DHX16: variants seen among roughly 807,000 people sequenced by gnomAD.
DHX16 encodes pre-mRNA-splicing factor ATP-dependent RNA helicase DHX16.
DHX16 carries 81 observed loss-of-function variants against 131.2 expected under a neutral mutation model. The ratio of observed to expected loss-of-function variants is 0.62; its 90% confidence interval spans 0.52 to 0.74. The LOEUF is 0.74. Ranked by LOEUF, DHX16 falls within the 30% of genes least tolerant of loss-of-function variation. The probability of loss-of-function intolerance (pLI) is 0.00; values close to 1 mark genes in which losing one functional copy is unlikely to be tolerated. For missense variants in DHX16, 980 were observed against 1,363.1 expected, an observed-to-expected ratio of 0.72 and a Z score of 4.43; for synonymous variants, 440 against 520.2, an observed-to-expected ratio of 0.85 and a Z score of 2.10.
chr6:30,659,950 T>C, intron 10 of DHX16, 82 bp downstream of exon 10: 1 of 1,557,248 alleles, frequency 6.4e-7, no homozygotes, highest in Admixed American at 1.7e-5. Context: ...TTCCATTCCA[T>C]CTTTCCCTCC....
Position 30,671,263 on chromosome 6 carries a change from C to G in DHX16, c.219G>C (p.Lys73Asn). The change falls in exon 2 of 20, where the codon AAG becomes AAC. Residue 73 changes from lysine (K) to asparagine (N), a missense_variant. Coordinates refer to ENST00000376442, the MANE Select transcript of DHX16 (RefSeq NM_003587.5). ...ALRLWNKVPRKAVVEKPARAA... is the reference protein window; with the variant it reads ...ALRLWNKVPRNAVVEKPARAA... ...CCCGAGCTGGCTTTTCTACCACTGC[C>G]TTTCGTGGTACCTGTCAGTAGAGGG... 1 of 1,613,012 alleles carries G rather than the reference C, an allele frequency of 6.2e-7. No individual in the cohort carries two copies. Among genetic ancestry groups the G allele is most frequent in the Non-Finnish European group, 8.5e-7 (1 of 1,179,996 alleles).
rs981312129 is a variant in DHX16, at chr6:30,665,622, C to T, written c.778G>A (p.Val260Met). ...LADEEFLFGDVELSRHERQEL... is the reference protein window; with the variant it reads ...LADEEFLFGDMELSRHERQEL... ...TGCCGCTCGTGCCGGCTCAGCTCCACGTCCCCAAAAAGGAACTCCTCATCA... is the reference window on the plus strand; with the variant it reads ...TGCCGCTCGTGCCGGCTCAGCTCCATGTCCCCAAAAAGGAACTCCTCATCA... The change falls in exon 5 of 20, where the codon GTG becomes ATG. Residue 260 changes from valine (V) to methionine (M), a missense_variant. Physicochemically the swap from Val to Met is conservative, Grantham distance 21. Coordinates refer to ENST00000376442, the MANE Select transcript of DHX16 (RefSeq NM_003587.5). The surrounding 1 kb of genome is among the most constrained non-coding windows in gnomAD (Gnocchi z 4.8). 4 of 1,612,918 alleles carry T rather than the reference C, an allele frequency of 2.5e-6. No individual in the cohort carries two copies. The highest frequency in any genetic ancestry group is 1.7e-5 in the Admixed American group (1 of 60,026).
chr6:30,670,546 G>A lies in DHX16; in HGVS notation c.610-80C>T, dbSNP rs1270374837. The A allele has an allele frequency of 4.8e-6, 7 of 1,469,658 alleles. No individual in the cohort carries two copies. The highest frequency in any genetic ancestry group is 4.7e-5 in the East Asian group (2 of 42,556). 91.0% of individuals were successfully genotyped at this position (1,469,658 alleles called of 1,614,324 possible). On this transcript the variant is annotated intron_variant, in intron 3 of 19. Transcript: ENST00000376442. This position sits in a 1 kb window ranked among gnomAD's most constrained non-coding sequence, Gnocchi z 4.4. ...CAGCTGCTCCCCTCTAGAATCACAA[G>A]GATCATTCAGATGCGCCCTAACACA...
intron 16 of DHX16, 29 bp from the exon 17 acceptor site, chr6:30,655,626 C>CAAA: frequency 6.2e-7 from 1 of 1,611,588 alleles, no homozygotes; most frequent in Non-Finnish European, 8.5e-7. Context: ...AGCATGAGTT[C>CAAA]AAAGCAAGAC....
chr6:30,653,199 GA>G lies in DHX16; in HGVS notation c.*42del. Reference sequence around the variant, plus strand: ...TTTAATAGGTATTAAATAATGTATAGAAGGAAAAGGAGCTGGTGTCAGGTTC... The same window carrying G: ...TTTAATAGGTATTAAATAATGTATAGAGGAAAAGGAGCTGGTGTCAGGTTC... On this transcript the variant is annotated 3_prime_UTR_variant, in exon 20 of 20. Coordinates refer to ENST00000376442, the MANE Select transcript of DHX16 (RefSeq NM_003587.5). 5 of 1,589,132 alleles carry G rather than the reference GA, an allele frequency of 3.1e-6. No homozygotes were observed. The highest frequency in any genetic ancestry group is 4.3e-6 in the Non-Finnish European group (5 of 1,172,212).
At chr6:30,663,512 G>A (rs1195636771) in intron 7 of DHX16, among the ~76,000 whole-genome samples, 1 of 151,262 alleles carries the variant, frequency 6.6e-6, no homozygotes, top group Non-Finnish European at 1.5e-5. Context: ...TCCTGAGGTT[G>A]GGAGTTCGAG....
chr6:30,665,556 C>A lies in DHX16; in HGVS notation c.844G>T (p.Glu282Ter). The part of the protein sequence containing the change: ...YKRRVRDLAR[E>*]YRAAGEQEKL... ...TCCTGCTCCCCAGCTGCCCGGTACT[C>A]CCGGGCGAGATCCCGCACTCGCCGC... is the stretch of plus-strand genomic sequence containing the variant. The change falls in exon 5 of 20, where the codon GAG becomes TAG. Residue 282 changes from glutamate (E) to a stop codon, truncating the protein, a stop_gained. Transcript: ENST00000376442. LOFTEE classifies it high-confidence loss of function. This position sits in a 1 kb window ranked among gnomAD's most constrained non-coding sequence, Gnocchi z 4.8. 1.2e-6 allele frequency: 2 copies of A among 1,613,086 alleles called. No individual in the cohort carries two copies. The highest frequency in any genetic ancestry group is 1.7e-6 in the Non-Finnish European group (2 of 1,180,030).
intron 9 of DHX16, chr6:30,661,778 C>T (rs1466808005): frequency 1.4e-6 from 1 of 717,630 alleles, no homozygotes; most frequent in African/African-American, 1.7e-5. Context: ...GGTGAAGTCC[C>T]CAGCCATTCC....
In DHX16 at chr6:30,670,666, A is replaced by C. The variant is rs1769448646; in HGVS notation, c.609+124T>G. 1 of 1,376,726 alleles carries C rather than the reference A, an allele frequency of 7.3e-7. No homozygotes were observed. Among genetic ancestry groups the C allele is most frequent in the Non-Finnish European group, 1.0e-6 (1 of 994,556 alleles). The allele number at this position is 1,376,726 out of a possible 1,614,324, so 85.3% of individuals were successfully genotyped here. On this transcript the variant is annotated intron_variant, in intron 3 of 19. Coordinates refer to ENST00000376442, the MANE Select transcript of DHX16 (RefSeq NM_003587.5). This position sits in a 1 kb window ranked among gnomAD's most constrained non-coding sequence, Gnocchi z 4.4. The stretch of plus-strand genomic sequence containing the variant: ...ATGCACAGGGCTTCTCTCACCACAG[A>C]GGTGAACATCTCACTAGAGACAGCC...
Position 30,656,635 on chromosome 6 carries a change from G to A in DHX16, c.2273C>T (p.Thr758Ile), listed in dbSNP as rs746238891. 1 of 1,614,118 alleles carries A rather than the reference G, an allele frequency of 6.2e-7. No individual in the cohort carries two copies. ...CAGCAACACGACATTGCCCAAGCTG[G>A]TCCTCTGGATCTCAGGCACTGTGGT... The part of the protein sequence containing the change: ...EETTVPEIQR[T>I]SLGNVVLLLK... Residue 758 changes from threonine (T) to isoleucine (I), a missense_variant, in exon 14 of 20, where the codon ACC (threonine) becomes ATC (isoleucine). Physicochemically the swap from Thr to Ile is moderately conservative, Grantham distance 89. Transcript: ENST00000376442. The surrounding 1 kb of genome is among the most constrained non-coding windows in gnomAD (Gnocchi z 5.1).
Position 30,660,025 on chromosome 6 carries a change from G to A in DHX16, c.1755+7C>T. 6.2e-7 allele frequency: 1 copy of A among 1,611,944 alleles called. No individual in the cohort carries two copies. Among genetic ancestry groups the A allele is most frequent in the East Asian group, 2.2e-5 (1 of 44,846 alleles). On this transcript the variant is annotated splice_region_variant and intron_variant, in intron 10 of 19. Coordinates refer to ENST00000376442, the MANE Select transcript of DHX16 (RefSeq NM_003587.5). ...CAGACTTAAGCCCATCCTCCCTGAG[G>A]GGGCACCTTGGTGTAGAAGATGTCC...
chr6:30,672,766 C>T lies in DHX16; in HGVS notation c.76G>A (p.Val26Ile). ...HSVLGLSERH[V>I]AQFLIGTAQR... is the part of the protein sequence containing the mutation. ...GCGGTACCGATCAGAAACTGGGCGACGTGCCGCTCGCTCAGCCCCAACACC... is the reference window on the plus strand; with the variant it reads ...GCGGTACCGATCAGAAACTGGGCGATGTGCCGCTCGCTCAGCCCCAACACC... The change falls in exon 1 of 20, where the codon GTC becomes ATC. Residue 26 changes from valine to isoleucine, a missense_variant. Around this residue, in one of 3 missense-constraint regions of DHX16, gnomAD observed 457 missense variants for 554.8 expected, o/e 0.82. Coordinates refer to ENST00000376442, the MANE Select transcript of DHX16 (RefSeq NM_003587.5). The T allele has an allele frequency of 3.7e-6, 6 of 1,613,082 alleles. No homozygotes were observed. Among genetic ancestry groups the T allele is most frequent in the Non-Finnish European group, 5.1e-6 (6 of 1,180,038 alleles).
Position 30,656,284 on chromosome 6 carries a change from G to C in DHX16, c.2431-19C>G. On this transcript the variant is annotated intron_variant, in intron 15 of 19. Coordinates refer to ENST00000376442, the MANE Select transcript of DHX16 (RefSeq NM_003587.5). The surrounding 1 kb of genome is among the most constrained non-coding windows in gnomAD (Gnocchi z 5.1). ...GACCAGACTAAGGAGAAGAGAGAGA[G>C]AGTTGAGCCCAGTCCTCCCTCAGGT... 6.2e-7 allele frequency: 1 copy of C among 1,613,884 alleles called. No individual in the cohort carries two copies. Among genetic ancestry groups the C allele is most frequent in the African/African-American group, 1.3e-5 (1 of 75,012 alleles).
In DHX16 at chr6:30,656,571, C is replaced by T. The variant is rs767822170; in HGVS notation, c.2311+26G>A. The stretch of plus-strand genomic sequence containing the variant: ...CAAAGGACAGTGACTCCAGCCCCTC[C>T]CTCCTCTCTCAGGTAGCCCAATCAC... On this transcript the variant is annotated intron_variant, in intron 14 of 19. Coordinates refer to ENST00000376442, the MANE Select transcript of DHX16 (RefSeq NM_003587.5). This position sits in a 1 kb window ranked among gnomAD's most constrained non-coding sequence, Gnocchi z 5.1. The T allele has an allele frequency of 3.1e-6, 5 of 1,614,028 alleles. No homozygotes were observed. The highest frequency in any genetic ancestry group is 4.2e-6 in the Non-Finnish European group (5 of 1,180,024).
At chr6:30,659,239 G>A (rs1298295792) in intron 12 of DHX16, among the ~76,000 whole-genome samples, 1 of 152,174 alleles carries the variant, frequency 6.6e-6, no homozygotes, top group African/African-American at 2.4e-5. Context: ...AGCACATCAA[G>A]GACTTCCCTT....
rs1561962100 is a variant in DHX16 at position 30,653,243 on chromosome 6, T to C, written c.3125A>G (p.Ter1042=). 3.7e-6 allele frequency: 6 copies of C among 1,612,884 alleles called. No homozygotes were observed. Among genetic ancestry groups the C allele is most frequent in the Non-Finnish European group, 5.1e-6 (6 of 1,179,958 alleles). The change falls in exon 20 of 20, where the codon TAA becomes TGA. Residue 1042 remains the stop codon, a stop_retained_variant. Transcript: ENST00000376442. ...KIGKTREELG[*] is the part of the protein sequence containing the mutation. ...TCAGGTTCTGTTTACGTCCTTCTCT[T>C]ACCCTAGCTCTTCTCGTGTTTTGCC... is the stretch of plus-strand genomic sequence containing the variant.
Position 30,671,198 on chromosome 6 carries a change from C to T in DHX16, c.284G>A (p.Arg95Gln), listed in dbSNP as rs138934886. Residue 95 changes from arginine (R) to glutamine (Q), a missense_variant, in exon 2 of 20, where the codon CGA (arginine) becomes CAA (glutamine). Transcript: ENST00000376442. Reference protein sequence around the residue: ...REARALLEKNRSYRLLEDSEE... With the variant: ...REARALLEKNQSYRLLEDSEE... ...ACTGTCTTCCAGTAACCTATAAGAT[C>T]GGTTCTTCTCCAGCAGGGCCCGGGC... The T allele has an allele frequency of 1.9e-6, 3 of 1,612,920 alleles. No homozygotes were observed. Among genetic ancestry groups the T allele is most frequent in the African/African-American group, 2.7e-5 (2 of 74,900 alleles).
At chr6:30,653,670 C>T (rs1409596959) in intron 19 of DHX16, among the ~76,000 whole-genome samples, 2 of 31,090 alleles carry the variant, frequency 6.4e-5, no homozygotes, top group African/African-American at 1.4e-4. Flanking sequence ...CTATGCCCAG[C>T]CCCAACCTAG....
chr6:30,667,547 A>G (rs1769159101), intron 4 of DHX16, among the ~76,000 whole-genome samples: 1 of 147,504 alleles, frequency 6.8e-6, no homozygotes, highest in South Asian at 2.1e-4. Context: ...GCACCGTTGC[A>G]CTCCAGCCTG....
Sources: allele counts gnomAD v4.1 joint callset (sites outside exome capture counted in the v4.1 genomes callset), GRCh38; gene constraint gnomAD v4.1.1; regional missense constraint gnomAD v4.1.1; non-coding constraint Gnocchi (gnomAD v3.1); transcripts MANE v1.5; gene names NCBI Gene and HGNC (gene_info 2026-07-23, HGNC 2026-07-21).